Variants in METTL14 observed in about 807,000 individuals in gnomAD.
METTL14 encodes methyltransferase 14, N6-adenosine-methyltransferase non-catalytic subunit, also known as N(6)-adenosine-methyltransferase non-catalytic subunit METTL14.
A neutral mutation model predicts 62.4 loss-of-function variants in METTL14; 32 were observed. The ratio of observed to expected loss-of-function variants is 0.51; its 90% CI spans 0.39 to 0.69. The LOEUF (loss-of-function observed/expected upper bound fraction) is 0.69. METTL14 is among the 30% of genes least tolerant of loss of function. METTL14 has a pLI of 0.00. For missense variants in METTL14, 340 were observed against 551.9 expected (o/e 0.62, Z 3.85); for synonymous variants, 150 against 180.0 (o/e 0.83, Z 1.34).
intron 1 of METTL14, among the ~76,000 whole-genome samples, chr4:118,687,702 T>A (rs904843752): frequency 1.3e-5 from 2 of 152,228 alleles, no homozygotes; most frequent in African/African-American, 4.8e-5. Context: ...CATAAAATGT[T>A]TTGCCAGCTG....
chr4:118,708,998 A>C (rs1172234262), intron 10 of METTL14, among the ~76,000 whole-genome samples: 1 of 152,240 alleles, frequency 6.6e-6, no homozygotes, highest in African/African-American at 2.4e-5. Context: ...GTTGTCTAGC[A>C]ATATAATTGG....
At position 118,714,301 on chromosome 4, in the gene METTL14, G is replaced by A. The variant is rs1724999045; in HGVS notation, c.*3999G>A. 2.0e-5 allele frequency: 3 copies of A among 152,190 alleles called. No individual in the cohort carries two copies. Among genetic ancestry groups the A allele is most frequent in the African/African-American group, 7.2e-5 (3 of 41,448 alleles). 9.4% of individuals were successfully genotyped at this position (152,190 alleles called of 1,614,324 possible). Reference sequence around the variant, plus strand: ...ACTCCTTTCTAAGAAAAGCAGAGCAGAGCAGCATAGAGTGCGTTAGTAAAT... The same window carrying A: ...ACTCCTTTCTAAGAAAAGCAGAGCAAAGCAGCATAGAGTGCGTTAGTAAAT... On this transcript the variant is annotated 3_prime_UTR_variant, in exon 11 of 11. Transcript: ENST00000388822.
intron 6 of METTL14, among the ~76,000 whole-genome samples, chr4:118,694,912 A>G (rs1193129160): frequency 6.7e-6 from 1 of 149,798 alleles, no homozygotes; most frequent in Non-Finnish European, 1.5e-5. Context: ...AGTGATTCTC[A>G]TGCCTCAGCC....
At position 118,696,142 on chromosome 4, in the gene METTL14, A is replaced by AAAAAAAAAAT. The variant is rs1191377829; in HGVS notation, c.504-1037_504-1036insAAAAAATAAA. Among the ~76,000 whole-genome samples, 3 of 150,782 alleles carry AAAAAAAAAAT rather than the reference A, an allele frequency of 2.0e-5. No homozygotes were observed. The South Asian group carries it at 6.3e-4, about 32-fold the overall frequency. ...CAAAAAAAAAAAAAAAAAAAAAAAAAAAATTGTATTCTGTAAGTCATTAGA... is the reference window on the plus strand; with the variant it reads ...CAAAAAAAAAAAAAAAAAAAAAAAAAAAAAAAAAATAAATTGTATTCTGTAAGTCATTAGA... On this transcript the variant is annotated intron_variant, in intron 6 of 10. Coordinates refer to ENST00000388822, the MANE Select transcript of METTL14 (RefSeq NM_020961.4).
intron 2 of METTL14, among the ~76,000 whole-genome samples, chr4:118,688,854 A>G (rs940402093): frequency 2.6e-5 from 4 of 152,050 alleles, no homozygotes; most frequent in Non-Finnish European, 5.9e-5. Context: ...TTGTATTTTT[A>G]GTAAACATGG....
At chr4:118,685,791 A>G (rs543617862) in intron 1 of METTL14, among the ~76,000 whole-genome samples, 191 bp downstream of exon 1, 13 of 151,838 alleles carry the variant, frequency 8.6e-5, no homozygotes, top group Non-Finnish European at 1.9e-4. Flanking sequence ...ATGTTTTTCC[A>G]GTTCCTTCCG....
At chr4:118,703,509 G>A (rs370210378) in intron 8 of METTL14, among the ~76,000 whole-genome samples, 4 of 152,140 alleles carry the variant, frequency 2.6e-5, no homozygotes, top group South Asian at 2.1e-4. Flanking sequence ...TGAAGTTAGC[G>A]TTTAGAAAAT....
chr4:118,706,800 T>C (rs528841298), intron 10 of METTL14, among the ~76,000 whole-genome samples: 48 of 152,182 alleles, frequency 3.2e-4, no homozygotes, highest in Non-Finnish European at 5.7e-4. Flanking sequence ...TATCATAATG[T>C]TGTTTTAATT....
chr4:118,709,045 G>C (rs1724843649), intron 10 of METTL14, among the ~76,000 whole-genome samples: 1 of 152,210 alleles, frequency 6.6e-6, no homozygotes, highest in Admixed American at 6.5e-5. Context: ...ATAATGTGCA[G>C]TGGAAATTCT....
intron 3 of METTL14, 61 bp from the exon 4 acceptor site, chr4:118,691,471 G>T: frequency 1.2e-6 from 1 of 845,256 alleles, no homozygotes; most frequent in Non-Finnish European, 1.9e-6. Flanking sequence ...GTTTTAATCA[G>T]GATGTGATAG....
At chr4:118,692,355 A>G (rs1022859865) in intron 5 of METTL14, among the ~76,000 whole-genome samples, 2 of 151,062 alleles carry the variant, frequency 1.3e-5, no homozygotes, top group African/African-American at 4.9e-5. Context: ...CAGCCTCCCA[A>G]GTAGCTGGGA....
Position 118,714,186 on chromosome 4 carries a change from T to C in METTL14, c.*3884T>C, listed in dbSNP as rs180777887. 6.6e-6 allele frequency: 1 copy of C among 152,348 alleles called. No individual in the cohort carries two copies. The highest frequency in any genetic ancestry group is 6.5e-5 in the Admixed American group (1 of 15,302). The allele number at this position is 152,348 out of a possible 1,614,324, so 9.4% of individuals were successfully genotyped here. A position where few individuals can be genotyped will look rare whatever the true frequency, so the allele number is the denominator to read the frequency against. On this transcript the variant is annotated 3_prime_UTR_variant, in exon 11 of 11. Transcript: ENST00000388822. ...GGGATAATTGTCTTCTTTAGGCACA[T>C]TGTTTGCATATTAACGACATGGAAA...
rs1376868316 is a variant in METTL14 at position 118,712,984 on chromosome 4, A to G, written c.*2682A>G. The G allele has an allele frequency of 1.3e-5, 2 of 152,180 alleles. No homozygotes were observed. Among genetic ancestry groups the G allele is most frequent in the African/African-American group, 4.8e-5 (2 of 41,438 alleles). The allele number at this position is 152,180 out of a possible 1,614,324, so 9.4% of individuals were successfully genotyped here. A position where few individuals can be genotyped will look rare whatever the true frequency, so the allele number is the denominator to read the frequency against. On this transcript the variant is annotated 3_prime_UTR_variant, in exon 11 of 11. Transcript: ENST00000388822. The stretch of plus-strand genomic sequence containing the variant: ...TGTGGAATACCATACCTAAACACAA[A>G]TGAATCAGATTAGACCACAGAATTG...
intron 6 of METTL14, 22 bp downstream of exon 6, chr4:118,694,548 C>T: frequency 6.5e-7 from 1 of 1,543,698 alleles, no homozygotes; most frequent in East Asian, 2.2e-5. Context: ...TATTCAATTA[C>T]TGTTTATTCC....
chr4:118,703,741 C>T (rs1362940240), intron 8 of METTL14, among the ~76,000 whole-genome samples, 194 bp from the exon 9 acceptor site: 1 of 152,122 alleles, frequency 6.6e-6, no homozygotes. Flanking sequence ...GATATATATG[C>T]ATTCCGTATT....
chr4:118,699,481 C>T (rs1316652410), intron 7 of METTL14, among the ~76,000 whole-genome samples: 1 of 152,130 alleles, frequency 6.6e-6, no homozygotes, highest in Non-Finnish European at 1.5e-5. Context: ...TATAAATTTA[C>T]ATTCCTTTCA....
chr4:118,690,035 CT>C (rs70941200), intron 3 of METTL14, among the ~76,000 whole-genome samples: 19,650 of 84,928 alleles, frequency 0.23, 685 homozygotes, highest in Non-Finnish European at 0.27. Flanking sequence ...TAATAATATT[CT>C]TTTTTTTTTT....
At chr4:118,709,884 G>T in intron 10 of METTL14, 114 bp from the exon 11 acceptor site, 1 of 998,612 alleles carries the variant, frequency 1.0e-6, no homozygotes, top group Non-Finnish European at 1.5e-6. Flanking sequence ...GATCAGTATT[G>T]GATGAATGAT....
chr4:118,697,319 A>G lies in METTL14; in HGVS notation c.641A>G (p.Asp214Gly), dbSNP rs1724442303. 6.3e-7 allele frequency: 1 copy of G among 1,597,518 alleles called. No individual in the cohort carries two copies. The highest frequency in any genetic ancestry group is 1.4e-5 in the African/African-American group (1 of 73,920). Residue 214 changes from aspartate (D) to glycine (G), a missense_variant, in exon 7 of 11, where the codon GAT becomes GGT. Asp to Gly is a moderately conservative substitution (Grantham distance 94). Coordinates refer to ENST00000388822, the MANE Select transcript of METTL14 (RefSeq NM_020961.4). ...GCTAATGAAAAATGCTGGACTTGGG[A>G]TGATGTATGATCAAACTTTCTACAT... is the stretch of plus-strand genomic sequence containing the variant. The part of the protein sequence containing the change: ...ITANEKCWTW[D>G]DIMKLEIDEI...
Sources: gnomAD v4.1 joint callset for allele counts (sites outside exome capture counted in the v4.1 genomes callset) on GRCh38, gnomAD v4.1.1 for gene constraint, MANE v1.5 for transcripts, NCBI Gene and HGNC (gene_info 2026-07-23, HGNC 2026-07-21) for gene names.